Variants in BCKDHA observed in about 807,000 individuals in gnomAD.
BCKDHA encodes the protein 2-oxoisovalerate dehydrogenase subunit alpha, mitochondrial.
In BCKDHA, 43 loss-of-function variants were observed where a neutral mutation model predicts 52.2. The observed-to-expected ratio is 0.82, with a 90% CI of 0.64 to 1.06. The LOEUF (loss-of-function observed/expected upper bound fraction) is 1.06. BCKDHA is among the 50% of genes least tolerant of loss of function. The pLI, the probability that BCKDHA is intolerant of heterozygous loss-of-function variation, is 0.00. For synonymous variants in BCKDHA, 234 were observed against 247.9 expected, an observed-to-expected ratio of 0.94 and a Z score of 0.53; for missense variants, 527 against 621.3, an observed-to-expected ratio of 0.85 and a Z score of 1.61.
intron 4 of BCKDHA, among the ~76,000 whole-genome samples, chr19:41,417,724 A>C (rs2039320261): frequency 6.6e-6 from 1 of 152,100 alleles, no homozygotes; most frequent in Non-Finnish European, 1.5e-5. Context: ...CGGGAGTTTG[A>C]GACCAGCCTG....
intron 4 of BCKDHA, among the ~76,000 whole-genome samples, chr19:41,417,901 CAA>C (rs1278818897): frequency 2.7e-5 from 4 of 146,742 alleles, no homozygotes; most frequent in African/African-American, 1.0e-4. Context: ...TTCTGGGCAA[CAA>C]GAGCAAAACT....
chr19:41,398,468 C>T (rs1351414860), intron 1 of BCKDHA, among the ~76,000 whole-genome samples: 2 of 152,170 alleles, frequency 1.3e-5, no homozygotes, highest in South Asian at 2.1e-4. Context: ...ATTCCTGTGT[C>T]TCTTGATCGA....
At chr19:41,408,136 T>G (rs2039213168) in intron 1 of BCKDHA, among the ~76,000 whole-genome samples, 1 of 152,050 alleles carries the variant, frequency 6.6e-6, no homozygotes, top group Non-Finnish European at 1.5e-5. Context: ...TTGTATTTTT[T>G]TGTGGAGACA....
At position 41,423,096 on chromosome 19, in the gene BCKDHA, G is replaced by T. The variant is rs375957868; in HGVS notation, c.1094G>T (p.Arg365Leu). 7 of 1,570,766 alleles carry T rather than the reference G, an allele frequency of 4.5e-6. No individual in the cohort carries two copies. Among genetic ancestry groups the T allele is most frequent in the African/African-American group, 1.3e-5 (1 of 74,162 alleles). ...CAGGACCACCCCATCTCCCGGCTGCGGCACTATCTGCTGAGCCAAGGCTGG... is the reference window on the plus strand; with the variant it reads ...CAGGACCACCCCATCTCCCGGCTGCTGCACTATCTGCTGAGCCAAGGCTGG... ...DKQDHPISRL[R>L]HYLLSQGWWD... is the part of the protein sequence containing the mutation. The change falls in exon 8 of 9, where the codon CGG becomes CTG. Residue 365 changes from arginine to leucine, a missense_variant. Transcript: ENST00000269980.
At chr19:41,421,611 G>A (rs2039365740) in intron 5 of BCKDHA, among the ~76,000 whole-genome samples, 1 of 143,824 alleles carries the variant, frequency 7.0e-6, no homozygotes. Flanking sequence ...AGTCCAGGAG[G>A]TGGTGGGTGG....
intron 1 of BCKDHA, among the ~76,000 whole-genome samples, chr19:41,400,737 C>T (rs992886388): frequency 2.0e-5 from 3 of 151,320 alleles, no homozygotes; most frequent in East Asian, 2.0e-4. Context: ...GGGCTGGGTG[C>T]GGTGGCTCAT....
At chr19:41,421,263 C>T (rs930818386) in intron 5 of BCKDHA, among the ~76,000 whole-genome samples, 9 of 152,108 alleles carry the variant, frequency 5.9e-5, no homozygotes, top group African/African-American at 1.9e-4. Context: ...ACAAAAGCAA[C>T]GCAAACCTCA....
intron 8 of BCKDHA, 59 bp from the exon 9 acceptor site, chr19:41,424,379 G>T: frequency 6.3e-7 from 1 of 1,597,152 alleles, no homozygotes; most frequent in Non-Finnish European, 8.6e-7. Flanking sequence ...CCCCGCAGGA[G>T]GAAGCAGGGT....
At chr19:41,410,868 C>A (rs1200271459) in intron 2 of BCKDHA, 52 bp downstream of exon 2, 3 of 1,613,442 alleles carry the variant, frequency 1.9e-6, no homozygotes, top group Non-Finnish European at 2.5e-6. Context: ...AGGCCCCTTG[C>A]CTGTCTCCTC....
chr19:41,410,069 A>G (rs991112943), intron 1 of BCKDHA, among the ~76,000 whole-genome samples: 6 of 152,154 alleles, frequency 3.9e-5, no homozygotes, highest in Non-Finnish European at 8.8e-5. Context: ...TCCTAAAGGC[A>G]GTAAGGGAAT....
At chr19:41,421,566 T>C (rs1267116213) in intron 5 of BCKDHA, among the ~76,000 whole-genome samples, 1 of 146,228 alleles carries the variant, frequency 6.8e-6, no homozygotes, top group Admixed American at 6.8e-5. Flanking sequence ...AGTGAGCGGG[T>C]GTAGGGTGAG....
rs535531411 is a variant in BCKDHA at position 41,417,241 on chromosome 19, C to G, written c.485-1894C>G. Among the ~76,000 whole-genome samples, 16 of 152,088 alleles carry G rather than the reference C, an allele frequency of 1.1e-4. No individual in the cohort carries two copies. In the South Asian group the frequency reaches 3.3e-3, roughly 32 times the overall value. ...GTGTTGCCCAGGCTGGTCTCAAACT[C>G]CTGAGCTCAAGCAGTCCACCTGCCT... On this transcript the variant is annotated intron_variant, in intron 4 of 8. Coordinates refer to ENST00000269980, the MANE Select transcript of BCKDHA (RefSeq NM_000709.4).
chr19:41,414,509 A>G lies in BCKDHA; in HGVS notation c.484+352A>G, dbSNP rs1205723487. Among the ~76,000 whole-genome samples, 6 of 152,150 alleles carry G rather than the reference A, an allele frequency of 3.9e-5. No homozygotes were observed. In the East Asian group the frequency reaches 5.8e-4, roughly 15 times the overall value. On this transcript the variant is annotated intron_variant, in intron 4 of 8. Transcript: ENST00000269980. ...TCGCTGGGAGGATGCAGTGAAGTCA[A>G]CGTTCGCTGTGGGTGTGGCCTGTGC...
At chr19:41,408,323 G>A (rs900191065) in intron 1 of BCKDHA, among the ~76,000 whole-genome samples, 2 of 150,734 alleles carry the variant, frequency 1.3e-5, no homozygotes, top group African/African-American at 4.9e-5. Context: ...CCCAGGCCTC[G>A]GTTTCCTCAT....
In BCKDHA at chr19:41,424,722, A is replaced by G. The variant is rs780606413; in HGVS notation, c.*114A>G. On this transcript the variant is annotated 3_prime_UTR_variant, in exon 9 of 9. Coordinates refer to ENST00000269980, the MANE Select transcript of BCKDHA (RefSeq NM_000709.4). Reference sequence around the variant, plus strand: ...CTGTCTTCCCCAGTCAGCTCCCTCTAAAATACTCAGCGGCCAGGGCGGCTG... The same window carrying G: ...CTGTCTTCCCCAGTCAGCTCCCTCTGAAATACTCAGCGGCCAGGGCGGCTG... 6.0e-5 allele frequency: 76 copies of G among 1,259,932 alleles called. No individual in the cohort carries two copies. The highest frequency in any genetic ancestry group is 8.1e-5 in the Non-Finnish European group (75 of 923,548). 78.0% of individuals were successfully genotyped at this position (1,259,932 alleles called of 1,614,324 possible).
chr19:41,416,686 G>A (rs544082839), intron 4 of BCKDHA, among the ~76,000 whole-genome samples: 19 of 152,304 alleles, frequency 1.2e-4, no homozygotes, highest in African/African-American at 2.9e-4. Context: ...TCGGGAGGCT[G>A]AGGCGGGAGG....
intron 1 of BCKDHA, chr19:41,399,438 G>T (rs188936671): frequency 1.3e-5 from 2 of 151,592 alleles, no homozygotes; most frequent in East Asian, 3.9e-4. Flanking sequence ...CAGGACTGGG[G>T]CAGGCTAGGG....
intron 5 of BCKDHA, among the ~76,000 whole-genome samples, chr19:41,421,763 C>T (rs1018868284): frequency 2.3e-4 from 35 of 152,102 alleles, no homozygotes; most frequent in African/African-American, 7.7e-4. Context: ...TCATGGAATC[C>T]GCGGGCTGCC....
At chr19:41,407,733 T>C (rs2039208666) in intron 1 of BCKDHA, among the ~76,000 whole-genome samples, 1 of 152,164 alleles carries the variant, frequency 6.6e-6, no homozygotes, top group Non-Finnish European at 1.5e-5. Context: ...AGGGACACAT[T>C]TGAGCACGCA....
Sources: gnomAD v4.1 joint callset for allele counts (sites outside exome capture counted in the v4.1 genomes callset) on GRCh38, gnomAD v4.1.1 for gene constraint, MANE v1.5 for transcripts, NCBI Gene and HGNC (gene_info 2026-07-23, HGNC 2026-07-21) for gene names.